The following SMN1 variants were observed in gnomAD, a reference collection of about 807,000 sequenced individuals.
SMN1 encodes survival of motor neuron 1, telomeric.
For missense variants in SMN1, 15 were observed against 17.1 expected, an observed-to-expected ratio of 0.88 and a Z score of 0.22; for synonymous variants, 3 against 5.1, an observed-to-expected ratio of 0.58 and a Z score of 0.56.
downstream of SMN1, among the ~76,000 whole-genome samples, chr5:70,957,527 G>A (rs1749934371): frequency 6.7e-6 from 1 of 149,674 alleles, no homozygotes; most frequent in Admixed American, 6.7e-5. Context: ...TTAGCATGAA[G>A]GATTGTTGAA....
the SMN1 span, among the ~76,000 whole-genome samples, chr5:70,959,000 C>T: frequency 2.8e-4 from 42 of 150,596 alleles, no homozygotes; most frequent in African/African-American, 7.8e-4. Context: ...AGACTTGGAA[C>T]GAACCCAAAT....
downstream of SMN1, among the ~76,000 whole-genome samples, chr5:70,955,576 C>T (rs1449240874): frequency 1.4e-5 from 2 of 141,506 alleles, no homozygotes; most frequent in African/African-American, 5.3e-5. Context: ...GTCGGTAGTT[C>T]GAGACCAGCC....
At chr5:70,958,726 A>C (rs1749955531), downstream of SMN1, among the ~76,000 whole-genome samples, 1 of 142,398 alleles carries the variant, frequency 7.0e-6, no homozygotes, top group South Asian at 2.4e-4. Context: ...GGAGAGCTTT[A>C]CTTCCAACTA....
intron 7 of SMN1, among the ~76,000 whole-genome samples, chr5:70,951,378 A>T (rs1481159221): frequency 6.6e-6 from 1 of 151,840 alleles, no homozygotes; most frequent in Non-Finnish European, 1.5e-5. Context: ...GGTTCAAGTG[A>T]TTCTCCTGCC....
At chr5:70,951,152 G>A (rs1749708418) in intron 7 of SMN1, among the ~76,000 whole-genome samples, 1 of 151,554 alleles carries the variant, frequency 6.6e-6, no homozygotes. Flanking sequence ...GGAGTGCAAG[G>A]GCACATTCAC....
At chr5:70,959,205 A>G in the SMN1 span, among the ~76,000 whole-genome samples, 1 of 148,834 alleles carries the variant, frequency 6.7e-6, no homozygotes, top group Non-Finnish European at 1.5e-5. Flanking sequence ...GAATTGAACA[A>G]TGAGAACACA....
At chr5:70,954,627 T>C (rs1206239072), downstream of SMN1, among the ~76,000 whole-genome samples, 1 of 28,646 alleles carries the variant, frequency 3.5e-5, no homozygotes, top group Non-Finnish European at 8.1e-5. Flanking sequence ...CCGAGGCGGG[T>C]GGATCACCTG....
At position 70,951,970 on chromosome 5, in the gene SMN1, G is replaced by A. The variant is rs368899583; in HGVS notation, c.864G>A (p.Arg288=). The A allele has an allele frequency of 6.2e-7, 1 of 1,612,918 alleles. No individual in the cohort carries two copies. The change falls in exon 8 of 9, where the codon AGG becomes AGA. Residue 288 remains arginine (R), a synonymous_variant. Transcript: ENST00000380707. The stretch of plus-strand genomic sequence containing the variant: ...TCAGACAAAATCAAAAAGAAGGAAG[G>A]TGCTCACATTCCTTAAATTAAGGAG... The part of the protein sequence containing the change: ...MGFRQNQKEG[R]CSHSLN
downstream of SMN1, among the ~76,000 whole-genome samples, chr5:70,955,214 C>CAA (rs1167729048): frequency 1.9e-5 from 2 of 107,886 alleles, no homozygotes; most frequent in African/African-American, 3.2e-5. Flanking sequence ...GACCCTGTCT[C>CAA]AAAAAAAAAA....
intron 8 of SMN1, 94 bp downstream of exon 8, chr5:70,952,088 A>T (rs1749781159): frequency 6.3e-6 from 10 of 1,596,312 alleles, no homozygotes; most frequent in Non-Finnish European, 8.5e-6. Flanking sequence ...AAAAGTTCAG[A>T]TGTTAAAAAG....
At chr5:70,960,256 A>G in the SMN1 span, among the ~76,000 whole-genome samples, 59 of 148,208 alleles carry the variant, frequency 4.0e-4, 1 homozygote, top group Non-Finnish European at 7.5e-4. Context: ...TTTACAGTCA[A>G]TTCTCTTTAT....
chr5:70,959,321 G>T, the SMN1 span, among the ~76,000 whole-genome samples: 6 of 150,168 alleles, frequency 4.0e-5, no homozygotes, highest in South Asian at 2.2e-4. Flanking sequence ...ACGAGTTAAT[G>T]GGTGCAGCAC....
chr5:70,957,529 A>G (rs1468388462), downstream of SMN1, among the ~76,000 whole-genome samples: 1 of 149,412 alleles, frequency 6.7e-6, no homozygotes, highest in Admixed American at 6.7e-5. Flanking sequence ...AGCATGAAGG[A>G]TTGTTGAATT....
At chr5:70,958,545 T>C (rs2112844000), downstream of SMN1, among the ~76,000 whole-genome samples, 1 of 66,552 alleles carries the variant, frequency 1.5e-5, no homozygotes, top group African/African-American at 4.9e-5. Flanking sequence ...AAGAACATCT[T>C]TATTTCTGCC....
Sources: allele counts gnomAD v4.1 joint callset (sites outside exome capture counted in the v4.1 genomes callset), GRCh38; gene constraint gnomAD v4.1.1; transcripts MANE v1.5; gene names NCBI Gene and HGNC (gene_info 2026-07-23, HGNC 2026-07-21).